OPHN1: variants seen among roughly 807,000 people sequenced by gnomAD.
OPHN1 encodes the protein oligophrenin 1.
In OPHN1, 11 loss-of-function variants were observed where a neutral mutation model predicts 60.7. The ratio of observed to expected loss-of-function variants is 0.18; its 90% confidence interval spans 0.11 to 0.30. The LOEUF is 0.30. Among genes scored for constraint, OPHN1 ranks in the 10% least tolerant of loss-of-function variants. OPHN1 has a pLI of 1.00. For missense variants in OPHN1, 449 were observed against 611.0 expected (o/e 0.73, Z 2.80); for synonymous variants, 226 against 222.6 (o/e 1.02, Z -0.14).
At chrX:68,080,714 G>T (rs2076971103) in intron 19 of OPHN1, among the ~76,000 whole-genome samples, 6 of 112,057 alleles carry the variant, frequency 5.4e-5, no homozygotes, top group African/African-American at 1.6e-4. Flanking sequence ...GAGGATGGCA[G>T]AAGTATGTCA....
chrX:68,074,495 T>C (rs1433498795), intron 19 of OPHN1, among the ~76,000 whole-genome samples: 3 of 111,362 alleles, frequency 2.7e-5, no homozygotes, highest in Non-Finnish European at 5.6e-5. Flanking sequence ...GTTACAAATA[T>C]TCCTTGCTAT....
intron 2 of OPHN1, among the ~76,000 whole-genome samples, chrX:68,377,675 G>T (rs2078567647): frequency 9.2e-6 from 1 of 108,288 alleles, no homozygotes; most frequent in Non-Finnish European, 1.9e-5. Context: ...GTGAGAATAT[G>T]CGGTGTGCGG....
rs759275516 is a variant in OPHN1 at position 68,070,945 on chromosome X, C to T, written c.1834+2207G>A. The T allele has an allele frequency of 4.4e-5, 50 of 1,142,615 alleles. No individual in the cohort carries two copies. In the African/African-American group the frequency reaches 7.9e-4, roughly 18 times the overall value. The allele number at this position is 1,142,615 out of a possible 1,213,427, so 94.2% of individuals were successfully genotyped here. A position where few individuals can be genotyped will look rare whatever the true frequency, so the allele number is the denominator to read the frequency against. ...GTCAATAGGCAAGGTAATCTTCACA[C>T]CATTCTTCTCAGCTTGGGACATTAG... On this transcript the variant is annotated intron_variant, in intron 20 of 24. Coordinates refer to ENST00000355520, the MANE Select transcript of OPHN1 (RefSeq NM_002547.3).
At chrX:68,098,920 G>T (rs1406883604) in intron 18 of OPHN1, among the ~76,000 whole-genome samples, 1 of 111,230 alleles carries the variant, frequency 9.0e-6, no homozygotes, top group Non-Finnish European at 1.9e-5. Flanking sequence ...AAAGCACTTG[G>T]CAAGGTCATA....
At chrX:68,249,346 G>C (rs758382667) in intron 5 of OPHN1, among the ~76,000 whole-genome samples, 1 of 111,885 alleles carries the variant, frequency 8.9e-6, no homozygotes, top group Non-Finnish European at 1.9e-5. Context: ...ACTGATGCAA[G>C]AGCAACTGCC....
chrX:68,374,180 AC>A (rs1298927542), intron 2 of OPHN1, among the ~76,000 whole-genome samples: 1 of 109,264 alleles, frequency 9.2e-6, no homozygotes, highest in African/African-American at 3.3e-5. Context: ...ACATGGTGAA[AC>A]CCCGTCTCCA....
chrX:68,375,050 T>C (rs1407475544), intron 2 of OPHN1, among the ~76,000 whole-genome samples: 1 of 112,178 alleles, frequency 8.9e-6, no homozygotes, highest in African/African-American at 3.2e-5. Flanking sequence ...CTCTAGAAAA[T>C]GGTTTGGCAG....
At chrX:68,363,274 AAAT>A (rs1300410556) in intron 2 of OPHN1, among the ~76,000 whole-genome samples, 1 of 111,000 alleles carries the variant, frequency 9.0e-6, no homozygotes, top group Non-Finnish European at 1.9e-5. Context: ...AAAAAAATTT[AAAT>A]AATAAAAAAA....
rs187936816 is a variant in OPHN1, at chrX:68,227,441, C to T, written c.486+7046G>A. 4.4e-3 allele frequency among the ~76,000 whole-genome samples: 492 copies of T among 111,428 alleles called. 5 individuals carry two copies. Among genetic ancestry groups the T allele is most frequent in the African/African-American group, 0.016 (480 of 30,686 alleles). ...ATCTACAGAACTCTCCACCCCAAAT[C>T]AACAGAATATACATTGTTCTCAGCA... is the stretch of plus-strand genomic sequence containing the variant. On this transcript the variant is annotated intron_variant, in intron 6 of 24. Coordinates refer to ENST00000355520, the MANE Select transcript of OPHN1 (RefSeq NM_002547.3).
At chrX:68,374,869 G>A (rs571929207) in intron 2 of OPHN1, among the ~76,000 whole-genome samples, 19 of 111,956 alleles carry the variant, frequency 1.7e-4, no homozygotes, top group Non-Finnish European at 2.8e-4. Flanking sequence ...CTGAAAATAC[G>A]TTCAACGTCA....
chrX:68,261,163 A>G (rs2077891395), intron 5 of OPHN1, among the ~76,000 whole-genome samples: 2 of 111,411 alleles, frequency 1.8e-5, no homozygotes, highest in Admixed American at 1.9e-4. Context: ...CAGATGTCTT[A>G]GTCAGACAAT....
chrX:68,217,477 G>A (rs1357858121), intron 6 of OPHN1, among the ~76,000 whole-genome samples: 2 of 111,775 alleles, frequency 1.8e-5, no homozygotes, highest in Non-Finnish European at 3.8e-5. Flanking sequence ...CTGGGGGCAG[G>A]GCACAGACAA....
intron 21 of OPHN1, among the ~76,000 whole-genome samples, chrX:68,060,034 TTAAA>T (rs1268338483): frequency 1.8e-5 from 2 of 111,475 alleles, no homozygotes; most frequent in African/African-American, 6.5e-5. Context: ...TTATACCTGA[TTAAA>T]TAAACAAATA....
At chrX:68,416,067 T>TAGAGAGAGAGAGAG (rs1171250178) in intron 2 of OPHN1, among the ~76,000 whole-genome samples, 1 of 8,344 alleles carries the variant, frequency 1.2e-4, no homozygotes, top group East Asian at 5.3e-3. Context: ...TATATATATA[T>TAGAGAGAGAGAGAG]AGAGAGAGAG....
At chrX:68,398,804 C>A (rs750251820) in intron 2 of OPHN1, among the ~76,000 whole-genome samples, 1 of 110,315 alleles carries the variant, frequency 9.1e-6, no homozygotes, top group Non-Finnish European at 1.9e-5. Flanking sequence ...CAAAAATTAG[C>A]CAGGCGTAGT....
intron 8 of OPHN1, among the ~76,000 whole-genome samples, chrX:68,210,994 A>G (rs1326833475): frequency 9.0e-6 from 1 of 110,965 alleles, no homozygotes; most frequent in African/African-American, 3.3e-5. Flanking sequence ...AGTCACCCAT[A>G]TGTACACATT....
chrX:68,111,151 T>C (rs2077102173), intron 18 of OPHN1, among the ~76,000 whole-genome samples: 1 of 112,603 alleles, frequency 8.9e-6, no homozygotes, highest in Non-Finnish European at 1.9e-5. Flanking sequence ...GACCTGTCCC[T>C]GGTCACAAAA....
rs190290569 is a variant in OPHN1 at position 68,311,560 on chromosome X, G to A, written c.155-12464C>T. 2.5e-3 allele frequency among the ~76,000 whole-genome samples: 283 copies of A among 111,112 alleles called. 2 individuals carry two copies. The highest frequency in any genetic ancestry group is 8.8e-3 in the African/African-American group (269 of 30,529). On this transcript the variant is annotated intron_variant, in intron 2 of 24. Transcript: ENST00000355520. ...CGATTCTCCTGCCTCAGCCTCCCGA[G>A]TAACTGGGATTATAAGCACCCGCCA...
At chrX:68,131,190 TTTTATTTATTTATTTATTTATTTA>T (rs60984024) in intron 15 of OPHN1, among the ~76,000 whole-genome samples, 2 of 98,494 alleles carry the variant, frequency 2.0e-5, no homozygotes, top group African/African-American at 7.8e-5. Flanking sequence ...CAAAGAACAC[TTTTATTTATTTATTTATTTATTTA>T]TTTATTTATT....
Sources: gnomAD v4.1 joint callset for allele counts (sites outside exome capture counted in the v4.1 genomes callset) on GRCh38, gnomAD v4.1.1 for gene constraint, MANE v1.5 for transcripts, NCBI Gene and HGNC (gene_info 2026-07-23, HGNC 2026-07-21) for gene names.